LZTS1: variants seen among roughly 807,000 people sequenced by gnomAD.
LZTS1 encodes the protein leucine zipper putative tumor suppressor 1.
In LZTS1, 31 loss-of-function variants were observed where a neutral mutation model predicts 45.8. That is an observed-to-expected ratio of 0.68 (90% CI 0.51 to 0.91). LZTS1 has a LOEUF of 0.91. Among genes scored for constraint, LZTS1 ranks in the 40% least tolerant of loss-of-function variants. The probability of loss-of-function intolerance (pLI) is 0.00; values close to 1 mark genes in which losing one functional copy is unlikely to be tolerated. For synonymous variants in LZTS1, 359 were observed against 357.3 expected, an observed-to-expected ratio of 1.00 and a Z score of -0.05; for missense variants, 821 against 788.9, an observed-to-expected ratio of 1.04 and a Z score of -0.49.
intron 1 of LZTS1, among the ~76,000 whole-genome samples, chr8:20,297,413 T>G (rs1277393401): frequency 9.9e-5 from 15 of 151,854 alleles, no homozygotes; most frequent in Admixed American, 9.8e-4. Flanking sequence ...TTGTGTTTGT[T>G]TGTTTGTTTG....
chr8:20,266,762 C>T (rs1016542948), intron 1 of LZTS1, among the ~76,000 whole-genome samples: 1 of 152,156 alleles, frequency 6.6e-6, no homozygotes, highest in African/African-American at 2.4e-5. Flanking sequence ...TTGTCTCTGC[C>T]CCTAGCATGT....
chr8:20,281,672 CCT>C (rs924724421), intron 1 of LZTS1, among the ~76,000 whole-genome samples: 2 of 151,870 alleles, frequency 1.3e-5, no homozygotes, highest in Admixed American at 1.3e-4. Flanking sequence ...GCTGGCATCT[CCT>C]CTCTCTCTCT....
At chr8:20,266,885 A>G (rs568617213) in intron 1 of LZTS1, among the ~76,000 whole-genome samples, 1 of 152,280 alleles carries the variant, frequency 6.6e-6, no homozygotes, top group East Asian at 1.9e-4. Context: ...AGGTGGGCAG[A>G]TCACCAGAGG....
intron 1 of LZTS1, among the ~76,000 whole-genome samples, chr8:20,259,197 A>T (rs2128893912): frequency 6.6e-6 from 1 of 152,264 alleles, no homozygotes; most frequent in Non-Finnish European, 1.5e-5. Flanking sequence ...TTTGATTTGA[A>T]AATCAATCTC....
At chr8:20,256,571 G>C (rs988872801) in intron 1 of LZTS1, among the ~76,000 whole-genome samples, 1 of 152,102 alleles carries the variant, frequency 6.6e-6, no homozygotes, top group African/African-American at 2.4e-5. Flanking sequence ...GATCACTTGA[G>C]GCCAGGAGTT....
chr8:20,281,098 T>G (rs775261950), intron 1 of LZTS1, among the ~76,000 whole-genome samples: 9 of 152,162 alleles, frequency 5.9e-5, no homozygotes, highest in Non-Finnish European at 8.8e-5. Flanking sequence ...GTTATAGGAA[T>G]GGTTGAAGAA....
At chr8:20,264,258 T>C (rs1800304057) in intron 1 of LZTS1, among the ~76,000 whole-genome samples, 3 of 152,240 alleles carry the variant, frequency 2.0e-5, no homozygotes, top group Non-Finnish European at 4.4e-5. Context: ...ATTTACCTGC[T>C]GTGTAATATT....
At chr8:20,263,760 A>G (rs1442865172) in intron 1 of LZTS1, among the ~76,000 whole-genome samples, 1 of 152,158 alleles carries the variant, frequency 6.6e-6, no homozygotes, top group African/African-American at 2.4e-5. Flanking sequence ...CTGGGTGGTC[A>G]GAGGGGCAGG....
At chr8:20,291,456 G>T (rs577571208) in intron 1 of LZTS1, among the ~76,000 whole-genome samples, 9 of 152,288 alleles carry the variant, frequency 5.9e-5, no homozygotes, top group African/African-American at 2.2e-4. Flanking sequence ...TATGCTTCAT[G>T]TGCTTTTACT....
intron 1 of LZTS1, among the ~76,000 whole-genome samples, chr8:20,298,215 C>A (rs966657333): frequency 1.3e-5 from 2 of 152,128 alleles, no homozygotes; most frequent in African/African-American, 4.8e-5. Flanking sequence ...GCGTGCACCA[C>A]CACACCTGGC....
intron 1 of LZTS1, among the ~76,000 whole-genome samples, chr8:20,297,072 C>A (rs1024090369): frequency 3.9e-5 from 6 of 152,296 alleles, no homozygotes; most frequent in African/African-American, 1.2e-4. Flanking sequence ...CCCCTGGGGG[C>A]AGCCTCCATG....
intron 1 of LZTS1, among the ~76,000 whole-genome samples, chr8:20,258,649 T>C (rs919437937): frequency 6.6e-6 from 1 of 152,180 alleles, no homozygotes; most frequent in African/African-American, 2.4e-5. Context: ...CATAGGATCG[T>C]TATGAGAAAT....
In LZTS1 at chr8:20,250,207, G is replaced by C. The variant is rs747010118; in HGVS notation, c.1306C>G (p.Leu436Val). 4 of 1,611,786 alleles carry C rather than the reference G, an allele frequency of 2.5e-6. No homozygotes were observed. In the East Asian group the frequency reaches 8.9e-5, roughly 36 times the overall value. Residue 436 changes from leucine to valine, a missense_variant, in exon 4 of 4, where the codon CTG becomes GTG. By Grantham distance (32) the Leu-to-Val change is conservative. Transcript: ENST00000381569. Reference protein sequence around the residue: ...LEGLELRTQDLEGALRTKGLE... With the variant: ...LEGLELRTQDVEGALRTKGLE... ...CCCTTGGTGCGCAGGGCGCCCTCCA[G>C]GTCCTGGGTCCTCAGCTCCAGGCCC...
Position 20,254,868 on chromosome 8 carries a change from T to C in LZTS1, c.314A>G (p.Lys105Arg), listed in dbSNP as rs1329474261. ...GVDFDPSTPP[K>R]LMPFSNQLEM... The stretch of plus-strand genomic sequence containing the variant: ...TAGCTGATTGGAGAAGGGCATGAGC[T>C]TGGGGGGTGTGGACGGGTCAAAGTC... Residue 105 changes from lysine (K) to arginine (R), a missense_variant, in exon 2 of 4, where the codon AAG (lysine) becomes AGG (arginine). Transcript: ENST00000381569. 6.2e-7 allele frequency: 1 copy of C among 1,613,452 alleles called. No homozygotes were observed. Among genetic ancestry groups the C allele is most frequent in the East Asian group, 2.2e-5 (1 of 44,870 alleles).
rs145651294 is a variant in LZTS1 at position 20,268,081 on chromosome 8, G to A, written c.-134-12766C>T. On this transcript the variant is annotated intron_variant, in intron 1 of 3. Transcript: ENST00000381569. ...ACCAAAGTGCATGTGAAATTATAGA[G>A]CAGTATGGAAAGATGCTAGAATTAG... 8.6e-3 allele frequency among the ~76,000 whole-genome samples: 1,303 copies of A among 152,254 alleles called. 22 individuals are homozygous for A. The highest frequency in any genetic ancestry group is 0.03 in the African/African-American group (1,250 of 41,538).
chr8:20,288,387 C>T lies in LZTS1; in HGVS notation c.-135+15353G>A, dbSNP rs80181764. ...CCATCACCTCTGGCCAGAGGCGATGCGCAAGTGGAAACAGCAGTGCCCAGT... is the reference window on the plus strand; with the variant it reads ...CCATCACCTCTGGCCAGAGGCGATGTGCAAGTGGAAACAGCAGTGCCCAGT... On this transcript the variant is annotated intron_variant, in intron 1 of 3. Coordinates refer to ENST00000381569, the MANE Select transcript of LZTS1 (RefSeq NM_021020.5). Among the ~76,000 whole-genome samples, 701 of 152,248 alleles carry T rather than the reference C, an allele frequency of 4.6e-3. 7 individuals carry two copies. Among genetic ancestry groups the T allele is most frequent in the Non-Finnish European group, 7.2e-3 (487 of 68,024 alleles).
chr8:20,281,938 T>C (rs1280519149), intron 1 of LZTS1, among the ~76,000 whole-genome samples: 5 of 152,138 alleles, frequency 3.3e-5, no homozygotes, highest in Admixed American at 6.5e-5. Flanking sequence ...GGAGCTATCA[T>C]TATAGTTGAT....
rs183487469 is a variant in LZTS1 at position 20,253,208 on chromosome 8, G to A, written c.723C>T (p.His241=). The A allele has an allele frequency of 3.7e-6, 6 of 1,613,816 alleles. No individual in the cohort carries two copies. The South Asian group carries it at 4.4e-5, about 12-fold the overall frequency. ...SFSDGGSKLG[H]SNKADKGPSC... ...AGGGGCCCTTGTCTGCCTTGTTCGA[G>A]TGGCCCAGCTTGCTACCTCCGTCGG... Residue 241 remains histidine (H), a synonymous_variant, in exon 3 of 4, where the codon CAC becomes CAT. Coordinates refer to ENST00000381569, the MANE Select transcript of LZTS1 (RefSeq NM_021020.5).
intron 1 of LZTS1, among the ~76,000 whole-genome samples, chr8:20,290,800 G>C (rs1049793527): frequency 3.3e-5 from 5 of 152,226 alleles, no homozygotes; most frequent in African/African-American, 1.2e-4. Flanking sequence ...AGATGGGAAA[G>C]ACATTGGCTT....
Sources: gnomAD v4.1 joint callset for allele counts (sites outside exome capture counted in the v4.1 genomes callset) on GRCh38, gnomAD v4.1.1 for gene constraint, MANE v1.5 for transcripts, NCBI Gene and HGNC (gene_info 2026-07-23, HGNC 2026-07-21) for gene names.